Variants in DDX10 observed in about 807,000 individuals in gnomAD.
DDX10 encodes DEAD-box helicase 10.
DDX10 carries 74 observed loss-of-function variants against 104.3 expected under a neutral mutation model. The observed-to-expected ratio is 0.71, with a 90% CI of 0.59 to 0.86. The LOEUF (loss-of-function observed/expected upper bound fraction) is 0.86. DDX10 is among the 40% of genes least tolerant of loss of function. The pLI is 0.00. For synonymous variants in DDX10, 351 were observed against 353.4 expected, an observed-to-expected ratio of 0.99 and a Z score of 0.08; for missense variants, 952 against 1,040.0, an observed-to-expected ratio of 0.92 and a Z score of 1.16.
rs114087077 is a variant in DDX10, at chr11:108,749,688, C to A, written c.1965+26226C>A. Among the ~76,000 whole-genome samples, 656 of 152,128 alleles carry A rather than the reference C, an allele frequency of 4.3e-3. 1 individual carries two copies. Among genetic ancestry groups the A allele is most frequent in the African/African-American group, 0.015 (632 of 41,510 alleles). On this transcript the variant is annotated intron_variant, in intron 13 of 17. Transcript: ENST00000322536. ...TTGTCAATGAAGTTGAGTAATTTGT[C>A]GTGAAAGAAGTCATATCAAAATTAA...
At chr11:108,798,470 C>G (rs1353386967) in intron 13 of DDX10, among the ~76,000 whole-genome samples, 1 of 152,198 alleles carries the variant, frequency 6.6e-6, no homozygotes, top group Non-Finnish European at 1.5e-5. Flanking sequence ...TCCCATCAGT[C>G]CTTGGCAGCC....
chr11:108,908,134 A>T, intron 16 of DDX10, among the ~76,000 whole-genome samples: 2 of 152,204 alleles, frequency 1.3e-5, no homozygotes, highest in Non-Finnish European at 1.5e-5. Flanking sequence ...TAAATAATTT[A>T]GTGCCTAGGA....
chr11:108,787,055 A>C (rs1375955615), intron 13 of DDX10, among the ~76,000 whole-genome samples: 20 of 152,098 alleles, frequency 1.3e-4, no homozygotes, highest in Admixed American at 1.3e-3. Flanking sequence ...GAATTCCCTC[A>C]CTGCTTACCT....
chr11:108,771,049 G>A (rs2094362507), intron 13 of DDX10, among the ~76,000 whole-genome samples: 1 of 152,152 alleles, frequency 6.6e-6, no homozygotes, highest in South Asian at 2.1e-4. Flanking sequence ...CATTTTAACT[G>A]GGGTGAGATG....
chr11:108,913,519 A>G (rs751199580), intron 16 of DDX10, among the ~76,000 whole-genome samples: 1 of 152,118 alleles, frequency 6.6e-6, no homozygotes, highest in Non-Finnish European at 1.5e-5. Context: ...TTTGTCCACA[A>G]GGAATATCCT....
intron 7 of DDX10, 63 bp from the exon 8 acceptor site, chr11:108,691,813 A>G (rs913023739): frequency 2.0e-5 from 30 of 1,472,792 alleles, no homozygotes; most frequent in Non-Finnish European, 2.6e-5. Context: ...ATACGTTGAT[A>G]AGAGAAAAGC....
chr11:108,869,194 G>GT (rs1162443376), intron 16 of DDX10, among the ~76,000 whole-genome samples: 37 of 60,366 alleles, frequency 6.1e-4, no homozygotes, highest in Non-Finnish European at 1.3e-3. Context: ...TTTTAAACCC[G>GT]TTGTTTTTTT....
intron 13 of DDX10, among the ~76,000 whole-genome samples, chr11:108,775,484 T>A (rs2094368701): frequency 6.6e-6 from 1 of 152,198 alleles, no homozygotes; most frequent in Admixed American, 6.5e-5. Flanking sequence ...GGTATCTGAG[T>A]CAAGTTATGG....
chr11:108,732,398 T>G (rs1050871115), intron 13 of DDX10, among the ~76,000 whole-genome samples: 1 of 152,210 alleles, frequency 6.6e-6, no homozygotes, highest in Non-Finnish European at 1.5e-5. Flanking sequence ...TGTAGTTTGC[T>G]TTCTGTAATT....
At chr11:108,786,564 A>G (rs971803554) in intron 13 of DDX10, among the ~76,000 whole-genome samples, 2 of 152,160 alleles carry the variant, frequency 1.3e-5, no homozygotes, top group Non-Finnish European at 2.9e-5. Context: ...TGTTTAGGAT[A>G]GTTAAGTCTT....
At chr11:108,717,220 G>A (rs1394956369) in intron 11 of DDX10, among the ~76,000 whole-genome samples, 1 of 152,210 alleles carries the variant, frequency 6.6e-6, no homozygotes, top group Non-Finnish European at 1.5e-5. Flanking sequence ...ACCCTAAGTC[G>A]ATAGGGTAGC....
chr11:108,805,705 A>G (rs148406574), intron 13 of DDX10, among the ~76,000 whole-genome samples: 13 of 152,344 alleles, frequency 8.5e-5, no homozygotes, highest in Middle Eastern at 3.4e-3. Context: ...GGTTAAAATC[A>G]GAGATAACAA....
rs1162189026 is a variant in DDX10 at position 108,665,217 on chromosome 11, C to A, written c.64C>A (p.Arg22Ser). Reference sequence around the variant, plus strand: ...ACCCGACCCGGTGCGGAGCTTCAATCGCTGGAAGAAAAAACACAGCCATAG... The same window carrying A: ...ACCCGACCCGGTGCGGAGCTTCAATAGCTGGAAGAAAAAACACAGCCATAG... ...ARPDPVRSFN[R>S]WKKKHSHRQN... The change falls in exon 1 of 18, where the codon CGC becomes AGC. Residue 22 changes from arginine (R) to serine (S), a missense_variant. Arg to Ser is a moderately radical substitution (Grantham distance 110, BLOSUM62 -1). Around this residue, in one of 3 missense-constraint regions of DDX10, gnomAD observed 412 missense variants for 479.2 expected, o/e 0.86. Transcript: ENST00000322536. The A allele has an allele frequency of 6.2e-6, 10 of 1,613,146 alleles. No individual in the cohort carries two copies. The highest frequency in any genetic ancestry group is 1.3e-5 in the African/African-American group (1 of 74,844).
chr11:108,751,454 A>G (rs1244613091), intron 13 of DDX10, among the ~76,000 whole-genome samples: 1 of 152,212 alleles, frequency 6.6e-6, no homozygotes, highest in Non-Finnish European at 1.5e-5. Flanking sequence ...CTTCCATAAC[A>G]AAAGCTCTTA....
At chr11:108,709,650 C>T (rs1022406122) in intron 10 of DDX10, among the ~76,000 whole-genome samples, 2 of 152,010 alleles carry the variant, frequency 1.3e-5, no homozygotes, top group Admixed American at 6.6e-5. Flanking sequence ...CTAATAATAA[C>T]TTGTATCCTT....
intron 12 of DDX10, among the ~76,000 whole-genome samples, chr11:108,720,329 C>A: frequency 6.6e-6 from 1 of 152,194 alleles, no homozygotes; most frequent in Admixed American, 6.5e-5. Context: ...TCTTTGAAAT[C>A]TTTAAGTGTC....
At chr11:108,905,931 G>T (rs1863590379) in intron 16 of DDX10, among the ~76,000 whole-genome samples, 1 of 152,152 alleles carries the variant, frequency 6.6e-6, no homozygotes, top group Non-Finnish European at 1.5e-5. Context: ...CGCAAAGACA[G>T]TACCAAGGGG....
intron 12 of DDX10, among the ~76,000 whole-genome samples, chr11:108,722,168 T>A (rs2094299141): frequency 6.6e-6 from 1 of 152,216 alleles, no homozygotes; most frequent in South Asian, 2.1e-4. Flanking sequence ...CCCAGCAGTC[T>A]TATTTCTGAA....
intron 16 of DDX10, among the ~76,000 whole-genome samples, chr11:108,860,370 T>G (rs371683768): frequency 6.6e-6 from 1 of 152,178 alleles, no homozygotes; most frequent in East Asian, 1.9e-4. Flanking sequence ...ATTATCATCT[T>G]GTAAATAGTT....
Sources: gnomAD v4.1 joint callset for allele counts (sites outside exome capture counted in the v4.1 genomes callset) on GRCh38, gnomAD v4.1.1 for gene constraint, gnomAD v4.1.1 regional missense constraint, MANE v1.5 for transcripts, NCBI Gene and HGNC (gene_info 2026-07-23, HGNC 2026-07-21) for gene names.